CCDC172: variants seen among roughly 807,000 people sequenced by gnomAD.
CCDC172 encodes the protein coiled-coil domain-containing protein 172.
CCDC172 carries 30 observed loss-of-function variants against 38.0 expected under a neutral mutation model. That is an observed-to-expected ratio of 0.79 (90% CI 0.59 to 1.07). CCDC172 has a LOEUF of 1.07. Among genes scored for constraint, CCDC172 ranks in the 50% least tolerant of loss-of-function variants. The pLI, the probability that CCDC172 is intolerant of heterozygous loss-of-function variation, is 0.00. For missense variants in CCDC172, 297 were observed against 290.1 expected, an observed-to-expected ratio of 1.02 and a Z score of -0.17; for synonymous variants, 78 against 88.3, an observed-to-expected ratio of 0.88 and a Z score of 0.66.
At chr10:116,375,782 A>T (rs1473742796) in intron 7 of CCDC172, among the ~76,000 whole-genome samples, 1 of 152,208 alleles carries the variant, frequency 6.6e-6, no homozygotes, top group African/African-American at 2.4e-5. Context: ...AAAAAAGCTC[A>T]TTATCACTGG....
intron 7 of CCDC172, among the ~76,000 whole-genome samples, chr10:116,366,632 A>G (rs1326355086): frequency 1.3e-5 from 2 of 152,172 alleles, no homozygotes; most frequent in East Asian, 3.8e-4. Flanking sequence ...TTTTGGTATC[A>G]CCAGCAGTGC....
Position 116,351,213 on chromosome 10 carries a change from CT to C in CCDC172, c.449-6161del, listed in dbSNP as rs539611716. Among the ~76,000 whole-genome samples, 224 of 152,028 alleles carry C rather than the reference CT, an allele frequency of 1.5e-3. 3 individuals are homozygous for C. The highest frequency in any genetic ancestry group is 4.9e-3 in the African/African-American group (203 of 41,494). The stretch of plus-strand genomic sequence containing the variant: ...ATTAATAATGAATAAAATATTGTAT[CT>C]TTTTTAATCTGTTGAATATTGTGTT... On this transcript the variant is annotated intron_variant, in intron 5 of 8. Coordinates refer to ENST00000333254, the MANE Select transcript of CCDC172 (RefSeq NM_198515.3).
intron 3 of CCDC172, among the ~76,000 whole-genome samples, chr10:116,328,386 G>T (rs1175165305): frequency 6.6e-6 from 1 of 152,098 alleles, no homozygotes; most frequent in Non-Finnish European, 1.5e-5. Flanking sequence ...AGGAAAAGTT[G>T]TATAGTATTG....
At chr10:116,371,341 A>C (rs1845183411) in intron 7 of CCDC172, among the ~76,000 whole-genome samples, 1 of 151,984 alleles carries the variant, frequency 6.6e-6, no homozygotes, top group Admixed American at 6.6e-5. Context: ...ATGGTCAATT[A>C]TATTAATGAA....
chr10:116,363,785 A>C (rs566219772), intron 7 of CCDC172, among the ~76,000 whole-genome samples: 216 of 152,014 alleles, frequency 1.4e-3, no homozygotes, highest in African/African-American at 5.0e-3. Flanking sequence ...ACAAATACAA[A>C]AATTAGCTGG....
chr10:116,332,740 T>G (rs1053595031), intron 3 of CCDC172, among the ~76,000 whole-genome samples: 5 of 147,518 alleles, frequency 3.4e-5, no homozygotes, highest in Non-Finnish European at 7.5e-5. Flanking sequence ...ACAGATATGG[T>G]TTTTTTTTTC....
intron 7 of CCDC172, among the ~76,000 whole-genome samples, chr10:116,374,528 G>A (rs976356898): frequency 1.3e-5 from 2 of 151,852 alleles, no homozygotes; most frequent in Non-Finnish European, 2.9e-5. Flanking sequence ...CATATAGAGA[G>A]TTCAGTACTG....
At chr10:116,327,236 C>T (rs1231216594) in intron 3 of CCDC172, among the ~76,000 whole-genome samples, 1 of 152,104 alleles carries the variant, frequency 6.6e-6, no homozygotes, top group African/African-American at 2.4e-5. Context: ...ATGAAAGTAA[C>T]AATTGAGTAA....
chr10:116,347,920 T>C (rs1844886746), intron 5 of CCDC172, among the ~76,000 whole-genome samples: 1 of 152,132 alleles, frequency 6.6e-6, no homozygotes, highest in Non-Finnish European at 1.5e-5. Flanking sequence ...TAAATTTTAT[T>C]TATATATATC....
At chr10:116,338,865 T>A (rs1157206689) in intron 3 of CCDC172, among the ~76,000 whole-genome samples, 2 of 152,108 alleles carry the variant, frequency 1.3e-5, no homozygotes, top group East Asian at 3.8e-4. Flanking sequence ...TTGACATAGA[T>A]CTTTTACAAC....
chr10:116,378,433 G>A lies in CCDC172; in HGVS notation c.664G>A (p.Glu222Lys), dbSNP rs769448112. Reference protein sequence around the residue: ...NDTECLRLKKELELYKEDDME... With the variant: ...NDTECLRLKKKLELYKEDDME... ...TTTCTTTTAAAATAGACTTAAAAAAGAATTAGAACTTTATAAGGAAGATGA... is the reference window on the plus strand; with the variant it reads ...TTTCTTTTAAAATAGACTTAAAAAAAAATTAGAACTTTATAAGGAAGATGA... The change falls in exon 8 of 9, where the codon GAA becomes AAA. Residue 222 changes from glutamate (E) to lysine (K), a missense_variant. By Grantham distance (56) the Glu-to-Lys change is moderately conservative. Transcript: ENST00000333254. The A allele has an allele frequency of 5.4e-5, 86 of 1,592,354 alleles. No homozygotes were observed. Among genetic ancestry groups the A allele is most frequent in the Non-Finnish European group, 7.0e-5 (82 of 1,171,874 alleles).
chr10:116,328,348 C>A (rs555923631), intron 3 of CCDC172, among the ~76,000 whole-genome samples: 146 of 152,054 alleles, frequency 9.6e-4, no homozygotes, highest in Non-Finnish European at 1.8e-3. Flanking sequence ...TTCATGCTTA[C>A]CAATACATCC....
intron 7 of CCDC172, among the ~76,000 whole-genome samples, chr10:116,374,727 A>C (rs542513815): frequency 5.3e-5 from 8 of 152,102 alleles, no homozygotes; most frequent in Non-Finnish European, 8.8e-5. Context: ...GAAAATTATT[A>C]GAAAAATCTT....
intron 5 of CCDC172, among the ~76,000 whole-genome samples, chr10:116,354,714 A>G (rs557459153): frequency 6.6e-6 from 1 of 152,194 alleles, no homozygotes; most frequent in Non-Finnish European, 1.5e-5. Context: ...TGGGTGACAG[A>G]GCGAGACTCT....
intron 2 of CCDC172, 44 bp from the exon 3 acceptor site, chr10:116,325,259 C>T (rs1844576431): frequency 1.3e-6 from 2 of 1,571,152 alleles, no homozygotes; most frequent in African/African-American, 2.7e-5. Flanking sequence ...AAAATGGGGA[C>T]TTTAGAAAGA....
chr10:116,333,859 A>G (rs911748881), intron 3 of CCDC172, among the ~76,000 whole-genome samples: 1 of 152,174 alleles, frequency 6.6e-6, no homozygotes, highest in Non-Finnish European at 1.5e-5. Context: ...TGAGTTCTGA[A>G]AAGGTGAGTG....
At chr10:116,369,137 A>C (rs2134965686) in intron 7 of CCDC172, among the ~76,000 whole-genome samples, 1 of 152,142 alleles carries the variant, frequency 6.6e-6, no homozygotes, top group Non-Finnish European at 1.5e-5. Flanking sequence ...TATGATTATA[A>C]ATTTGAAATG....
At chr10:116,336,059 C>T (rs11817085) in intron 3 of CCDC172, among the ~76,000 whole-genome samples, 14,150 of 151,862 alleles carry the variant, frequency 0.093, 901 homozygotes, top group East Asian at 0.21. Context: ...CCCAGCTACC[C>T]GGGAGGCTGA....
intron 3 of CCDC172, among the ~76,000 whole-genome samples, chr10:116,335,753 C>A: frequency 6.6e-6 from 1 of 151,880 alleles, no homozygotes; most frequent in East Asian, 1.9e-4. Flanking sequence ...ATTTTCCATG[C>A]TTTTTTCTGT....
Sources: allele counts gnomAD v4.1 joint callset (sites outside exome capture counted in the v4.1 genomes callset), GRCh38; gene constraint gnomAD v4.1.1; transcripts MANE v1.5; gene names NCBI Gene and HGNC (gene_info 2026-07-23, HGNC 2026-07-21).